The following RNF215 variants were observed in gnomAD, a reference collection of about 807,000 sequenced individuals.
RNF215 encodes ring finger protein 215.
Under a neutral mutation model 44.8 loss-of-function variants are expected in RNF215, and 41 were observed. The ratio of observed to expected loss-of-function variants is 0.92; its 90% CI spans 0.71 to 1.19. RNF215 has a LOEUF of 1.19. Ranked by LOEUF, RNF215 falls within the 50% of genes most tolerant of loss-of-function variation. RNF215 has a pLI of 0.00. For missense variants in RNF215, 452 were observed against 496.2 expected (o/e 0.91, Z 0.85); for synonymous variants, 218 against 230.1 (o/e 0.95, Z 0.48).
In RNF215 at chr22:30,387,171, G is replaced by A. The variant is rs1933614480; in HGVS notation, c.143C>T (p.Pro48Leu). The change falls in exon 1 of 9, where the codon CCG becomes CTG. Residue 48 changes from proline to leucine, a missense_variant. By Grantham distance (98) the Pro-to-Leu change is moderately conservative (BLOSUM62 -3). Transcript: ENST00000382363. ...TCCGCCCCGCCCCGCCCCGGCCGCC[G>A]GCTCGCTGCCGTCCGCCGCGGCCCC... ...GPGAAADGSE[P>L]AAGAGRGGAR... is the part of the protein sequence containing the mutation. 1.6e-5 allele frequency: 18 copies of A among 1,156,766 alleles called. No homozygotes were observed. The highest frequency in any genetic ancestry group is 1.9e-5 in the Non-Finnish European group (18 of 940,624). The allele number at this position is 1,156,766 out of a possible 1,614,324, so 71.7% of individuals were successfully genotyped here.
At chr22:30,386,264 C>T (rs1933598742) in intron 2 of RNF215, 123 bp from the exon 3 acceptor site, 3 of 906,312 alleles carry the variant, frequency 3.3e-6, no homozygotes, top group Non-Finnish European at 5.1e-6. Context: ...GACAGACTGC[C>T]ATAAGCTCCT....
chr22:30,383,060 C>A (rs548229844), intron 5 of RNF215, among the ~76,000 whole-genome samples: 104 of 152,302 alleles, frequency 6.8e-4, no homozygotes, highest in Non-Finnish European at 1.2e-3. Context: ...CAAGATCGTG[C>A]CACTGCTGTT....
chr22:30,381,126 G>T (rs1436271316), intron 5 of RNF215, among the ~76,000 whole-genome samples: 4 of 152,128 alleles, frequency 2.6e-5, no homozygotes, highest in African/African-American at 9.7e-5. Flanking sequence ...ACCACATCTT[G>T]CTCTAGAAGC....
rs751886907 is a variant in RNF215, at chr22:30,380,190, G to A, written c.880C>T (p.Arg294Cys). 42 of 1,613,654 alleles carry A rather than the reference G, an allele frequency of 2.6e-5. No homozygotes were observed. Among genetic ancestry groups the A allele is most frequent in the Middle Eastern group, 1.6e-4 (1 of 6,084 alleles). The change falls in exon 7 of 9, where the codon CGC (arginine) becomes TGC (cysteine). Residue 294 changes from arginine to cysteine, a missense_variant. Transcript: ENST00000382363. The surrounding 1 kb of genome is among the most constrained non-coding windows in gnomAD (Gnocchi z 5.3). Reference sequence around the variant, plus strand: ...GATGCCAGTCTCCGCACCACGCGGCGCTTAAACAGGTCCACCTGTGGGGAG... The same window carrying A: ...GATGCCAGTCTCCGCACCACGCGGCACTTAAACAGGTCCACCTGTGGGGAG... ...ELGGQVDLFK[R>C]RVVRRLASLK...
intron 2 of RNF215, among the ~76,000 whole-genome samples, 185 bp from the exon 3 acceptor site, chr22:30,386,326 G>A (rs536252486): frequency 1.2e-4 from 18 of 152,240 alleles, no homozygotes; most frequent in East Asian, 3.9e-4. Context: ...TTCCAGATGC[G>A]CTGTGCCTTC....
In RNF215 at chr22:30,387,257, AGGC is replaced by A. The variant is rs1322754372; in HGVS notation, c.54_56del (p.Pro20del). ...GCAGCAGCAGCAGCAGCGGAGACGG[AGGC>A]GGCGGCGGAGGCGGCGGCGGCGATC... On this transcript the variant is annotated inframe_deletion, in exon 1 of 9. Transcript: ENST00000382363. 5.8e-6 allele frequency: 6 copies of A among 1,029,506 alleles called. No individual in the cohort carries two copies. The highest frequency in any genetic ancestry group is 7.6e-5 in the East Asian group (1 of 13,224). 63.8% of individuals were successfully genotyped at this position (1,029,506 alleles called of 1,614,324 possible). A position where few individuals can be genotyped will look rare whatever the true frequency, so the allele number is the denominator to read the frequency against.
rs893439361 is a variant in RNF215, at chr22:30,380,579, G to A, written c.745-178C>T. On this transcript the variant is annotated intron_variant, in intron 5 of 8. Transcript: ENST00000382363. The surrounding 1 kb of genome is among the most constrained non-coding windows in gnomAD (Gnocchi z 5.3). ...CGTCTCTTCCATTGTGTGCTTCTCA[G>A]GATCACTCACTCTGCCCTACACGTC... 6.6e-6 allele frequency among the ~76,000 whole-genome samples: 1 copy of A among 151,966 alleles called. No homozygotes were observed. The highest frequency in any genetic ancestry group is 2.4e-5 in the African/African-American group (1 of 41,370).
chr22:30,382,176 C>T (rs1385351970), intron 5 of RNF215, among the ~76,000 whole-genome samples: 1 of 152,146 alleles, frequency 6.6e-6, no homozygotes, highest in Non-Finnish European at 1.5e-5. Flanking sequence ...CCGAGGTGGG[C>T]GGATCACCTG....
At chr22:30,384,518 C>T in intron 4 of RNF215, 23 bp from the exon 5 acceptor site, 1 of 1,608,112 alleles carries the variant, frequency 6.2e-7, no homozygotes, top group Non-Finnish European at 8.5e-7. Flanking sequence ...GTCACCGGGG[C>T]CAGATGGAAG....
In RNF215 at chr22:30,379,696, A is replaced by C. The variant is rs1460267443; in HGVS notation, c.1111+15T>G. The C allele has an allele frequency of 6.4e-7, 1 of 1,553,364 alleles. No individual in the cohort carries two copies. ...CAGGCAGAGTAGGCCGAGGGACCCC[A>C]CCCCTGGTGCTCACCCAGGACGTTG... On this transcript the variant is annotated intron_variant, in intron 8 of 8. Coordinates refer to ENST00000382363, the MANE Select transcript of RNF215 (RefSeq NM_001017981.2).
intron 5 of RNF215, among the ~76,000 whole-genome samples, chr22:30,381,153 G>T (rs373521828): frequency 1.1e-3 from 165 of 152,248 alleles, no homozygotes; most frequent in African/African-American, 3.8e-3. Context: ...ACCTCTTATG[G>T]CTGGGTGAAT....
intron 5 of RNF215, among the ~76,000 whole-genome samples, chr22:30,382,047 C>T (rs184546824): frequency 1.3e-5 from 2 of 152,312 alleles, no homozygotes; most frequent in Admixed American, 1.3e-4. Flanking sequence ...TTGGCCAACA[C>T]GTGCTGGGGG....
At chr22:30,385,722 T>C (rs1272783653) in intron 4 of RNF215, among the ~76,000 whole-genome samples, 182 bp downstream of exon 4, 1 of 151,034 alleles carries the variant, frequency 6.6e-6, no homozygotes, top group Non-Finnish European at 1.5e-5. Context: ...AAGGCAGAGG[T>C]TCCAGTGAGC....
chr22:30,384,782 A>G, intron 4 of RNF215: 1 of 294,920 alleles, frequency 3.4e-6, no homozygotes, highest in South Asian at 6.8e-5. Flanking sequence ...CCATCCCCTC[A>G]CCCATTTTTC....
rs1569200363 is a variant in RNF215, at chr22:30,387,391, T to G, written c.-78A>C. ...GGGGGATCGGAGGGAGCGAGGCCGCTGCCGGACGGGGCGGGGCGCCGGGAG... is the reference window on the plus strand; with the variant it reads ...GGGGGATCGGAGGGAGCGAGGCCGCGGCCGGACGGGGCGGGGCGCCGGGAG... On this transcript the variant is annotated 5_prime_UTR_variant, in exon 1 of 9. Transcript: ENST00000382363. The G allele has an allele frequency of 8.1e-6, 7 of 868,292 alleles. No homozygotes were observed. Among genetic ancestry groups the G allele is most frequent in the East Asian group, 1.1e-4 (1 of 9,254 alleles). The allele number at this position is 868,292 out of a possible 1,614,324, so 53.8% of individuals were successfully genotyped here.
chr22:30,382,890 T>C (rs1452119954), intron 5 of RNF215, among the ~76,000 whole-genome samples: 1 of 152,024 alleles, frequency 6.6e-6, no homozygotes, highest in Non-Finnish European at 1.5e-5. Context: ...ATGCCTAAGC[T>C]CAGGAGTTCG....
chr22:30,382,658 C>T (rs1176285811), intron 5 of RNF215, among the ~76,000 whole-genome samples: 1 of 152,142 alleles, frequency 6.6e-6, no homozygotes, highest in Admixed American at 6.5e-5. Flanking sequence ...TGAAGCTCCG[C>T]TGCAGGCCAA....
At position 30,387,012 on chromosome 22, in the gene RNF215, G is replaced by GGCTCAGCAGC; in HGVS notation, c.285+7_285+16dup. The GGCTCAGCAGC allele has an allele frequency of 6.5e-7, 1 of 1,540,294 alleles. No individual in the cohort carries two copies. Among genetic ancestry groups the GGCTCAGCAGC allele is most frequent in the Non-Finnish European group, 8.7e-7 (1 of 1,148,464 alleles). ...GAGGGGTTTAGTGATGCGGCCAGAT[G>GGCTCAGCAGC]GCTCAGCAGCGCTCACCAGCAGCAG... On this transcript the variant is annotated intron_variant, in intron 1 of 8. Transcript: ENST00000382363.
intron 5 of RNF215, among the ~76,000 whole-genome samples, 187 bp downstream of exon 5, chr22:30,384,152 G>A (rs944397782): frequency 1.3e-5 from 2 of 152,154 alleles, no homozygotes; most frequent in African/African-American, 2.4e-5. Flanking sequence ...ATGTGACCTG[G>A]CCCAGGCGCC....
Sources: allele counts gnomAD v4.1 joint callset (sites outside exome capture counted in the v4.1 genomes callset), GRCh38; gene constraint gnomAD v4.1.1; non-coding constraint Gnocchi (gnomAD v3.1); transcripts MANE v1.5; gene names NCBI Gene and HGNC (gene_info 2026-07-23, HGNC 2026-07-21).